Variants in ARK2N observed in about 807,000 individuals in gnomAD.
ARK2N encodes arkadia (RNF111) N-terminal like PKA signaling regulator 2N, also known as protein ARK2N.
chr18:46,236,250 C>T, the ARK2N span, among the ~76,000 whole-genome samples: 1 of 152,174 alleles, frequency 6.6e-6, no homozygotes, highest in African/African-American at 2.4e-5. Context: ...TGGGCTCAAG[C>T]AGTCCTCCTG....
the ARK2N span, among the ~76,000 whole-genome samples, chr18:46,184,974 T>C: frequency 6.6e-6 from 1 of 152,226 alleles, no homozygotes. Flanking sequence ...ACAGCTTTAC[T>C]AGGCTATTAG....
the ARK2N span, among the ~76,000 whole-genome samples, chr18:46,243,461 G>A: frequency 1.3e-5 from 2 of 152,122 alleles, no homozygotes; most frequent in Non-Finnish European, 2.9e-5. Flanking sequence ...GATCACATAG[G>A]TACGCACTAA....
At chr18:46,224,755 A>AT in the ARK2N span, among the ~76,000 whole-genome samples, 35 of 152,320 alleles carry the variant, frequency 2.3e-4, no homozygotes, top group African/African-American at 7.9e-4. Context: ...TAGTCATTTT[A>AT]TTTTTTTGGA....
the ARK2N span, among the ~76,000 whole-genome samples, chr18:46,186,050 AG>A: frequency 6.6e-6 from 1 of 151,830 alleles, no homozygotes; most frequent in Non-Finnish European, 1.5e-5. Flanking sequence ...CATTTTGGAC[AG>A]GGAGGGGGGG....
At chr18:46,224,580 T>C in the ARK2N span, among the ~76,000 whole-genome samples, 1 of 152,194 alleles carries the variant, frequency 6.6e-6, no homozygotes, top group African/African-American at 2.4e-5. Flanking sequence ...CTTAGAAGAC[T>C]TGGAGCCACC....
the ARK2N span, among the ~76,000 whole-genome samples, chr18:46,254,730 C>T: frequency 3.3e-5 from 5 of 152,168 alleles, no homozygotes; most frequent in Non-Finnish European, 7.3e-5. Context: ...TATATGTCCT[C>T]CCCAAAGCCT....
chr18:46,217,743 T>C, the ARK2N span: 3 of 152,296 alleles, frequency 2.0e-5, no homozygotes, highest in Non-Finnish European at 4.4e-5. Flanking sequence ...AATATAAATA[T>C]GAGTCTCAAA....
chr18:46,254,033 T>C, the ARK2N span, among the ~76,000 whole-genome samples: 1 of 152,258 alleles, frequency 6.6e-6, no homozygotes, highest in African/African-American at 2.4e-5. Flanking sequence ...ATCAAGGACA[T>C]TTCAACCATA....
the ARK2N span, among the ~76,000 whole-genome samples, chr18:46,194,859 A>G: frequency 6.8e-6 from 1 of 146,870 alleles, no homozygotes; most frequent in African/African-American, 2.5e-5. Context: ...GCTGGAGTAC[A>G]GTGGTGTGAT....
At chr18:46,233,298 G>T in the ARK2N span, among the ~76,000 whole-genome samples, 2 of 152,256 alleles carry the variant, frequency 1.3e-5, no homozygotes, top group East Asian at 3.9e-4. Context: ...AGGGTACATA[G>T]ACATAGGGAT....
At chr18:46,199,182 C>T in the ARK2N span, among the ~76,000 whole-genome samples, 3 of 152,256 alleles carry the variant, frequency 2.0e-5, no homozygotes, top group African/African-American at 4.8e-5. Context: ...GCTTGTTTTG[C>T]ACCTCTATCT....
chr18:46,193,689 C>T, the ARK2N span, among the ~76,000 whole-genome samples: 1 of 149,022 alleles, frequency 6.7e-6, no homozygotes. Flanking sequence ...ACCTGCACTT[C>T]CTGGGTTCAA....
the ARK2N span, among the ~76,000 whole-genome samples, chr18:46,245,244 T>G: frequency 6.6e-6 from 1 of 152,064 alleles, no homozygotes. Context: ...CTTCCTTCAC[T>G]TTTTAAGGTT....
chr18:46,266,888 TA>T, the ARK2N span: 1 of 152,756 alleles, frequency 6.5e-6, no homozygotes, highest in Non-Finnish European at 1.5e-5. Context: ...GTTATATATA[TA>T]TTTTTTGGTG....
chr18:46,198,322 A>AG, the ARK2N span, among the ~76,000 whole-genome samples: 2 of 149,846 alleles, frequency 1.3e-5, 1 homozygote, highest in Admixed American at 1.3e-4. Context: ...AAAAAAAAAA[A>AG]AAAAAAAAAA....
the ARK2N span, chr18:46,266,123 A>G: frequency 6.6e-6 from 1 of 152,254 alleles, no homozygotes; most frequent in African/African-American, 2.4e-5. Context: ...CAAACATCCC[A>G]TAAACTTTGC....
the ARK2N span, among the ~76,000 whole-genome samples, chr18:46,247,095 G>C: frequency 6.6e-6 from 1 of 152,088 alleles, no homozygotes; most frequent in Admixed American, 6.5e-5. Context: ...ATCTAACAAT[G>C]TGGAAGGAAT....
chr18:46,253,545 G>A, the ARK2N span: 4 of 881,336 alleles, frequency 4.5e-6, no homozygotes, highest in East Asian at 1.0e-4. Context: ...CACTGCCCCA[G>A]CTTATTTGAC....
chr18:46,252,989 T>C, the ARK2N span, among the ~76,000 whole-genome samples: 26 of 152,348 alleles, frequency 1.7e-4, no homozygotes, highest in African/African-American at 6.3e-4. Flanking sequence ...CAAACTGTTA[T>C]GTTTTTCCAG....
Sources: gnomAD v4.1 joint callset for allele counts (sites outside exome capture counted in the v4.1 genomes callset) on GRCh38, gnomAD v4.1.1 for gene constraint, MANE v1.5 for transcripts, NCBI Gene and HGNC (gene_info 2026-07-23, HGNC 2026-07-21) for gene names.